Variants in QTGAL observed in about 807,000 individuals in gnomAD.
The protein encoded by QTGAL is queuosine-tRNA galactosyltransferase, also known as BGnT-like protein 1.
At chr17:83,011,726 C>T in the QTGAL span, among the ~76,000 whole-genome samples, 1 of 152,172 alleles carries the variant, frequency 6.6e-6, no homozygotes. Context: ...CCCAAGTGCA[C>T]AACAGAGCAT....
the QTGAL span, among the ~76,000 whole-genome samples, chr17:82,994,032 A>C: frequency 6.6e-6 from 1 of 152,172 alleles, no homozygotes; most frequent in Non-Finnish European, 1.5e-5. Flanking sequence ...AGTTTTAAAT[A>C]GTTATAAGTG....
the QTGAL span, among the ~76,000 whole-genome samples, chr17:82,985,938 G>C: frequency 6.6e-6 from 1 of 152,216 alleles, no homozygotes; most frequent in Non-Finnish European, 1.5e-5. Flanking sequence ...CTGAACTCTG[G>C]TGATGGGAGG....
chr17:83,033,573 G>A, the QTGAL span, among the ~76,000 whole-genome samples: 16 of 150,884 alleles, frequency 1.1e-4, no homozygotes, highest in Non-Finnish European at 1.3e-4. Flanking sequence ...CCGGGTTCAC[G>A]CCATTCCCCT....
At chr17:83,021,078 C>T in the QTGAL span, among the ~76,000 whole-genome samples, 1 of 152,114 alleles carries the variant, frequency 6.6e-6, no homozygotes, top group African/African-American at 2.4e-5. Flanking sequence ...TTTAATGATA[C>T]TTTATGGACA....
At chr17:83,027,300 T>C in the QTGAL span, among the ~76,000 whole-genome samples, 1 of 152,240 alleles carries the variant, frequency 6.6e-6, no homozygotes. Flanking sequence ...CTTCAATAAA[T>C]GGTGCTGGGA....
chr17:82,994,884 C>T, the QTGAL span, among the ~76,000 whole-genome samples: 4 of 152,332 alleles, frequency 2.6e-5, no homozygotes, highest in East Asian at 7.7e-4. Context: ...GATAGTTCAA[C>T]ATATGCAAAT....
the QTGAL span, chr17:82,947,040 T>C: frequency 3.4e-6 from 5 of 1,457,316 alleles, no homozygotes; most frequent in Non-Finnish European, 4.7e-6. Context: ...GAGGCCACTG[T>C]GGAGCCTCCT....
At chr17:83,007,160 C>G in the QTGAL span, 1 of 938,854 alleles carries the variant, frequency 1.1e-6, no homozygotes, top group Non-Finnish European at 1.3e-6. Flanking sequence ...CGTGCTCGGC[C>G]ATGGCTGTGT....
the QTGAL span, among the ~76,000 whole-genome samples, chr17:82,970,362 C>T: frequency 1.3e-5 from 2 of 152,272 alleles, no homozygotes; most frequent in Non-Finnish European, 2.9e-5. Context: ...ACGGATTTCA[C>T]GATTACAAAG....
At chr17:82,955,404 A>G in the QTGAL span, among the ~76,000 whole-genome samples, 1 of 152,354 alleles carries the variant, frequency 6.6e-6, no homozygotes, top group South Asian at 2.1e-4. Flanking sequence ...CCACAATGAG[A>G]TATCACTGGT....
At chr17:82,996,181 T>C in the QTGAL span, among the ~76,000 whole-genome samples, 1 of 152,190 alleles carries the variant, frequency 6.6e-6, no homozygotes, top group Non-Finnish European at 1.5e-5. Flanking sequence ...AAGCAATCTA[T>C]AGATTTAATG....
At chr17:82,986,287 G>A in the QTGAL span, among the ~76,000 whole-genome samples, 1 of 152,226 alleles carries the variant, frequency 6.6e-6, no homozygotes, top group Non-Finnish European at 1.5e-5. Context: ...CTGTTCCTTG[G>A]TAATCGTCAA....
At chr17:82,965,272 T>C in the QTGAL span, among the ~76,000 whole-genome samples, 2 of 151,890 alleles carry the variant, frequency 1.3e-5, no homozygotes, top group African/African-American at 4.8e-5. Flanking sequence ...CGCCTGCAGG[T>C]GCACCCCCGG....
chr17:82,983,853 T>TC, the QTGAL span, among the ~76,000 whole-genome samples: 2 of 152,174 alleles, frequency 1.3e-5, no homozygotes, highest in Non-Finnish European at 2.9e-5. Context: ...GATGGGCTTT[T>TC]AAGGAGGTAG....
At chr17:82,961,155 G>A in the QTGAL span, 4 of 1,608,194 alleles carry the variant, frequency 2.5e-6, no homozygotes, top group Non-Finnish European at 1.7e-6. Flanking sequence ...GGTGCTCGTA[G>A]AAGAACAGCA....
At chr17:83,009,647 G>C in the QTGAL span, among the ~76,000 whole-genome samples, 1 of 152,156 alleles carries the variant, frequency 6.6e-6, no homozygotes, top group Non-Finnish European at 1.5e-5. Flanking sequence ...CGAGACCTTC[G>C]ATGGGCAGCG....
chr17:83,048,590 A>G, the QTGAL span: 77 of 1,609,616 alleles, frequency 4.8e-5, no homozygotes, highest in African/African-American at 9.9e-4. Flanking sequence ...GAACACTGGC[A>G]GGTCAGGAAA....
At chr17:83,009,043 C>T in the QTGAL span, among the ~76,000 whole-genome samples, 1 of 151,950 alleles carries the variant, frequency 6.6e-6, no homozygotes, top group Non-Finnish European at 1.5e-5. Context: ...CAGAAGGAAA[C>T]TCACACTCCC....
chr17:82,946,569 A>T, the QTGAL span, among the ~76,000 whole-genome samples: 4 of 150,190 alleles, frequency 2.7e-5, 1 homozygote, highest in Admixed American at 2.0e-4. Flanking sequence ...ACAGAACCCA[A>T]GTGTGTGTGT....
Sources: gnomAD v4.1 joint callset for allele counts (sites outside exome capture counted in the v4.1 genomes callset) on GRCh38, gnomAD v4.1.1 for gene constraint, MANE v1.5 for transcripts, NCBI Gene and HGNC (gene_info 2026-07-23, HGNC 2026-07-21) for gene names.